The following DOCK1 variants were observed in gnomAD, a reference collection of about 807,000 sequenced individuals.
DOCK1 encodes the protein dedicator of cytokinesis protein 1.
In DOCK1, 138 loss-of-function variants were observed where a neutral mutation model predicts 262.7. The ratio of observed to expected loss-of-function variants is 0.53; its 90% CI spans 0.46 to 0.61. The LOEUF is 0.61. DOCK1 is among the 20% of genes least tolerant of loss of function. The pLI, the probability that DOCK1 is intolerant of heterozygous loss-of-function variation, is 0.00. For missense variants in DOCK1, 1,908 were observed against 2,370.7 expected, an observed-to-expected ratio of 0.80 and a Z score of 4.05; for synonymous variants, 866 against 867.4, an observed-to-expected ratio of 1.00 and a Z score of 0.03.
intron 1 of DOCK1, among the ~76,000 whole-genome samples, chr10:126,909,668 C>T (rs1264225409): frequency 6.6e-6 from 1 of 152,196 alleles, no homozygotes; most frequent in East Asian, 1.9e-4. Flanking sequence ...CTCATACTTT[C>T]TTAGCCTTGG....
rs572931079 is a variant in DOCK1 at position 127,348,648 on chromosome 10, T to A, written c.3224+4902T>A. Among the ~76,000 whole-genome samples, 3 of 151,844 alleles carry A rather than the reference T, an allele frequency of 2.0e-5. No individual in the cohort carries two copies. In the South Asian group the frequency reaches 6.3e-4, roughly 32 times the overall value. ...TTTCAGTTTTGGCGGGGTGGGTGGG[T>A]TGTTTTTGTTTTTGTTTTTTTGTAA... On this transcript the variant is annotated intron_variant, in intron 31 of 51. Coordinates refer to ENST00000623213, the MANE Select transcript of DOCK1 (RefSeq NM_001290223.2).
chr10:127,430,708 A>G (rs1488406706), intron 47 of DOCK1, among the ~76,000 whole-genome samples: 1 of 151,534 alleles, frequency 6.6e-6, no homozygotes, highest in Non-Finnish European at 1.5e-5. Context: ...GGAAAGGGAC[A>G]TTCCAGATCA....
chr10:126,971,913 A>C (rs895151970), intron 2 of DOCK1, among the ~76,000 whole-genome samples: 2 of 151,372 alleles, frequency 1.3e-5, no homozygotes, highest in African/African-American at 4.9e-5. Context: ...CAATGAAGCA[A>C]TATTTTTTTT....
chr10:127,030,836 GTC>G (rs897067928), intron 16 of DOCK1, among the ~76,000 whole-genome samples: 3 of 151,438 alleles, frequency 2.0e-5, no homozygotes, highest in African/African-American at 4.9e-5. Flanking sequence ...CTCTATCTCT[GTC>G]TCTCTGTCAC....
At chr10:127,029,836 C>CTTGG (rs2043118379) in intron 16 of DOCK1, among the ~76,000 whole-genome samples, 1 of 152,140 alleles carries the variant, frequency 6.6e-6, no homozygotes, top group Non-Finnish European at 1.5e-5. Context: ...CCTTCTGAAC[C>CTTGG]CTGGCTGTTT....
At chr10:127,297,338 T>C (rs1027010091) in intron 29 of DOCK1, among the ~76,000 whole-genome samples, 6 of 152,020 alleles carry the variant, frequency 3.9e-5, no homozygotes, top group Non-Finnish European at 8.8e-5. Flanking sequence ...TCTGCAGGAA[T>C]GGATTATACT....
intron 27 of DOCK1, among the ~76,000 whole-genome samples, chr10:127,173,447 T>G (rs1476172997): frequency 1.3e-5 from 2 of 152,102 alleles, no homozygotes; most frequent in Non-Finnish European, 2.9e-5. Flanking sequence ...CTAAGAGGAG[T>G]GTAAGAAGGC....
chr10:127,448,487 C>T (rs1451134633), intron 51 of DOCK1, among the ~76,000 whole-genome samples: 2 of 152,224 alleles, frequency 1.3e-5, no homozygotes, highest in Non-Finnish European at 2.9e-5. Context: ...GTCCCAGCCC[C>T]ATCCTCATGT....
rs2040108762 is a variant in DOCK1, at chr10:126,995,351, A to G, written c.474-1397A>G. Among the ~76,000 whole-genome samples the G allele has an allele frequency of 2.6e-5, 4 of 152,194 alleles. No homozygotes were observed. In the South Asian group the frequency reaches 8.3e-4, roughly 31 times the overall value. ...GCCACTGCACTCCAGCCTGGGCAAC[A>G]CTGAGCACTGGGTGAGCAAGACTCT... is the stretch of plus-strand genomic sequence containing the variant. On this transcript the variant is annotated intron_variant, in intron 6 of 51. Coordinates refer to ENST00000623213, the MANE Select transcript of DOCK1 (RefSeq NM_001290223.2). The surrounding 1 kb of genome is among the most constrained non-coding windows in gnomAD (Gnocchi z 5.8).
At chr10:127,122,655 T>G (rs1564818914) in intron 25 of DOCK1, among the ~76,000 whole-genome samples, 2 of 151,782 alleles carry the variant, frequency 1.3e-5, no homozygotes, top group African/African-American at 4.8e-5. Context: ...TACATCTTCT[T>G]GGGGGCTTAG....
At chr10:127,106,155 C>T in intron 23 of DOCK1, 76 bp from the exon 24 acceptor site, 1 of 1,433,356 alleles carries the variant, frequency 7.0e-7, no homozygotes, top group Non-Finnish European at 9.5e-7. Flanking sequence ...TGCGGTTCTT[C>T]TCATAAGGAT....
At chr10:127,304,543 A>C (rs1036568015) in intron 29 of DOCK1, among the ~76,000 whole-genome samples, 8 of 152,088 alleles carry the variant, frequency 5.3e-5, no homozygotes, top group Admixed American at 4.6e-4. Context: ...GAAAACGTGG[A>C]AGCTATTTTT....
intron 38 of DOCK1, among the ~76,000 whole-genome samples, chr10:127,387,249 G>A (rs533572134): frequency 5.3e-5 from 8 of 152,286 alleles, no homozygotes; most frequent in African/African-American, 7.2e-5. Flanking sequence ...GCCCTTCTGC[G>A]TCCTGAAATG....
Position 127,447,465 on chromosome 10 carries a change from G to C in DOCK1, c.5485G>C (p.Val1829Leu). 6.2e-7 allele frequency: 1 copy of C among 1,613,780 alleles called. No homozygotes were observed. Among genetic ancestry groups the C allele is most frequent in the Non-Finnish European group, 8.5e-7 (1 of 1,179,796 alleles). ...VPPPLPLKGS[V>L]ADYGNLMENQ... ...ACCCCCTCTGCCTCTCAAAGGCAGCGTGGCAGATTACGGGAATTTGATGGA... is the reference window on the plus strand; with the variant it reads ...ACCCCCTCTGCCTCTCAAAGGCAGCCTGGCAGATTACGGGAATTTGATGGA... The change falls in exon 51 of 52, where the codon GTG becomes CTG. Residue 1829 changes from valine to leucine, a missense_variant. Val to Leu is a conservative substitution (Grantham distance 32). Around this residue, in one of 9 missense-constraint regions of DOCK1, gnomAD observed 383 missense variants for 420.1 expected, o/e 0.91. Transcript: ENST00000623213.
chr10:127,208,762 C>T (rs995494667), intron 27 of DOCK1, among the ~76,000 whole-genome samples: 5 of 152,094 alleles, frequency 3.3e-5, no homozygotes, highest in African/African-American at 1.2e-4. Flanking sequence ...TTTGTCAACA[C>T]GATATCATCT....
chr10:127,438,973 G>A (rs1434655324), intron 48 of DOCK1, 54 bp from the exon 49 acceptor site: 1 of 1,485,906 alleles, frequency 6.7e-7, no homozygotes, highest in Admixed American at 2.3e-5. Context: ...ACACGTGTCT[G>A]TGGGCTGGAA....
chr10:127,163,644 C>A (rs1031829106), intron 27 of DOCK1, among the ~76,000 whole-genome samples: 14 of 152,126 alleles, frequency 9.2e-5, no homozygotes, highest in Non-Finnish European at 1.3e-4. Context: ...TGTGATGCGT[C>A]TGTCTAAATA....
At chr10:127,319,947 C>T (rs1260781267) in intron 29 of DOCK1, among the ~76,000 whole-genome samples, 3 of 152,124 alleles carry the variant, frequency 2.0e-5, no homozygotes, top group South Asian at 2.1e-4. Context: ...TGTCTGGGAT[C>T]GCATTTCATC....
intron 23 of DOCK1, among the ~76,000 whole-genome samples, chr10:127,090,539 C>T (rs2047457514): frequency 6.6e-6 from 1 of 151,860 alleles, no homozygotes; most frequent in Non-Finnish European, 1.5e-5. Flanking sequence ...TCCTTTTAAC[C>T]ATCTTAACAC....
Sources: allele counts gnomAD v4.1 joint callset (sites outside exome capture counted in the v4.1 genomes callset), GRCh38; gene constraint gnomAD v4.1.1; regional missense constraint gnomAD v4.1.1; non-coding constraint Gnocchi (gnomAD v3.1); transcripts MANE v1.5; gene names NCBI Gene and HGNC (gene_info 2026-07-23, HGNC 2026-07-21).